ZBTB40: variants seen among roughly 807,000 people sequenced by gnomAD.
ZBTB40 encodes zinc finger and BTB domain containing 40, also known as zinc finger and BTB domain-containing protein 40.
Under a neutral mutation model 117.5 loss-of-function variants are expected in ZBTB40, and 60 were observed. That is an observed-to-expected ratio of 0.51 (90% CI 0.41 to 0.63). The LOEUF (loss-of-function observed/expected upper bound fraction) is 0.63, where lower values mean the gene tolerates loss of function less well. ZBTB40 is among the 30% of genes least tolerant of loss of function. The pLI, the probability that ZBTB40 is intolerant of heterozygous loss-of-function variation, is 0.00. For missense variants in ZBTB40, 1,287 were observed against 1,498.5 expected (o/e 0.86, Z 2.33); for synonymous variants, 525 against 577.1 (o/e 0.91, Z 1.29).
At chr1:22,521,413 A>G (rs1402634888) in intron 14 of ZBTB40, 83 bp from the exon 15 acceptor site, 3 of 1,560,476 alleles carry the variant, frequency 1.9e-6, no homozygotes, top group African/African-American at 1.4e-5. Flanking sequence ...CCAAAAATGT[A>G]TTTCTTTCTC....
At chr1:22,458,712 TTA>T (rs1304989846) in intron 1 of ZBTB40, among the ~76,000 whole-genome samples, 5 of 152,232 alleles carry the variant, frequency 3.3e-5, no homozygotes, top group Non-Finnish European at 5.9e-5. Context: ...GAATACTTTT[TTA>T]AAAAATTAAT....
chr1:22,525,379 A>G (rs1472712218), intron 17 of ZBTB40, among the ~76,000 whole-genome samples: 2 of 152,234 alleles, frequency 1.3e-5, no homozygotes, highest in Non-Finnish European at 2.9e-5. Context: ...AGCACGGAGA[A>G]GTAGCTGGGC....
chr1:22,488,101 C>T (rs1052475427), intron 1 of ZBTB40, among the ~76,000 whole-genome samples: 2 of 152,276 alleles, frequency 1.3e-5, no homozygotes, highest in Admixed American at 6.5e-5. Context: ...TCCCTCAAAG[C>T]TTTACTCTAA....
chr1:22,499,596 G>T (rs1029304628), intron 3 of ZBTB40, among the ~76,000 whole-genome samples: 2 of 152,112 alleles, frequency 1.3e-5, no homozygotes, highest in Non-Finnish European at 2.9e-5. Flanking sequence ...GTTACCTTAG[G>T]TTCTCAGAAG....
At chr1:22,522,262 G>A in intron 15 of ZBTB40, 115 bp from the exon 16 acceptor site, 2 of 942,282 alleles carry the variant, frequency 2.1e-6, no homozygotes, top group Non-Finnish European at 3.5e-6. Context: ...CCTGGCACTT[G>A]GTAGATGCTT....
chr1:22,487,135 TAAA>T (rs1413709604), intron 1 of ZBTB40, among the ~76,000 whole-genome samples: 2 of 152,332 alleles, frequency 1.3e-5, no homozygotes, highest in South Asian at 2.1e-4. Context: ...TCTGACGAAT[TAAA>T]GAAGAGTTGT....
Position 22,459,012 on chromosome 1 carries a change from G to A in ZBTB40, c.-70+7008G>A, listed in dbSNP as rs528051792. Among the ~76,000 whole-genome samples the A allele has an allele frequency of 5.3e-5, 8 of 152,290 alleles. No individual in the cohort carries two copies. In the South Asian group the frequency reaches 1.4e-3, roughly 28 times the overall value. On this transcript the variant is annotated intron_variant, in intron 1 of 17. Coordinates refer to ENST00000375647, the MANE Select transcript of ZBTB40 (RefSeq NM_014870.4). ...TCCTGTCTTGCTAACAAAGTATGCTGTTAAAGTTTTGGGGTTTTGCCAATC... is the reference window on the plus strand; with the variant it reads ...TCCTGTCTTGCTAACAAAGTATGCTATTAAAGTTTTGGGGTTTTGCCAATC...
At chr1:22,505,954 T>TG in intron 5 of ZBTB40, 95 bp from the exon 6 acceptor site, 1 of 1,311,026 alleles carries the variant, frequency 7.6e-7, no homozygotes, top group East Asian at 2.3e-5. Flanking sequence ...AGATCAGGCA[T>TG]CTTGTGATGC....
intron 1 of ZBTB40, among the ~76,000 whole-genome samples, chr1:22,478,093 T>G (rs550319712): frequency 5.5e-4 from 83 of 152,144 alleles, no homozygotes; most frequent in Non-Finnish European, 1.0e-3. Flanking sequence ...ACTTTTTGTG[T>G]TGTTGTTGAT....
intron 1 of ZBTB40, among the ~76,000 whole-genome samples, chr1:22,483,502 G>A (rs1437641407): frequency 2.6e-5 from 4 of 152,050 alleles, no homozygotes; most frequent in Non-Finnish European, 4.4e-5. Context: ...GGTGTGTGAT[G>A]GTATCTTGTT....
At chr1:22,462,851 T>G (rs1477504629) in intron 1 of ZBTB40, among the ~76,000 whole-genome samples, 2 of 152,254 alleles carry the variant, frequency 1.3e-5, no homozygotes, top group Non-Finnish European at 2.9e-5. Flanking sequence ...TGTCTATGAA[T>G]TCTTTTCTTT....
chr1:22,445,585 C>T (rs190481294), intron 1 of ZBTB40, among the ~76,000 whole-genome samples: 41 of 152,216 alleles, frequency 2.7e-4, no homozygotes, highest in Non-Finnish European at 1.0e-4. Context: ...CGGCCAGGCA[C>T]GATGGTTCAT....
intron 6 of ZBTB40, among the ~76,000 whole-genome samples, chr1:22,506,936 T>A (rs1292657192): frequency 6.6e-6 from 1 of 152,234 alleles, no homozygotes; most frequent in African/African-American, 2.4e-5. Flanking sequence ...AATATTGAGA[T>A]ACTTTCATAT....
At chr1:22,445,319 AT>A (rs1200746488) in intron 1 of ZBTB40, among the ~76,000 whole-genome samples, 3 of 152,158 alleles carry the variant, frequency 2.0e-5, no homozygotes, top group African/African-American at 7.2e-5. Flanking sequence ...GAAATATCCA[AT>A]TCCAGCCCAC....
rs1206389071 is a variant in ZBTB40 at position 22,530,153 on chromosome 1, A to G, written c.*3757A>G. ...AGGGAGACAAGCAGCATGTTATTAA[A>G]TTGGGCCTAGGCAGTTGGACGATAA... On this transcript the variant is annotated 3_prime_UTR_variant, in exon 18 of 18. Transcript: ENST00000375647. The G allele has an allele frequency of 6.6e-6, 1 of 152,376 alleles. No individual in the cohort carries two copies. The highest frequency in any genetic ancestry group is 1.5e-5 in the Non-Finnish European group (1 of 68,142). The allele number at this position is 152,376 out of a possible 1,614,324, so 9.4% of individuals were successfully genotyped here.
rs1350589578 is a variant in ZBTB40 at position 22,524,428 on chromosome 1, C to T, written c.3509C>T (p.Ala1170Val). 2 of 1,613,782 alleles carry T rather than the reference C, an allele frequency of 1.2e-6. No individual in the cohort carries two copies. Among genetic ancestry groups the T allele is most frequent in the Admixed American group, 3.3e-5 (2 of 60,006 alleles). Reference sequence around the variant, plus strand: ...ATGAGCACGGAAACCCAGGCCGCAGCCTCACAGATGGCGCAGGTGATTCTG... The same window carrying T: ...ATGAGCACGGAAACCCAGGCCGCAGTCTCACAGATGGCGCAGGTGATTCTG... ...KVMSTETQAAASQMAQVIQTP... is the reference protein window; with the variant it reads ...KVMSTETQAAVSQMAQVIQTP... The change falls in exon 17 of 18, where the codon GCC becomes GTC. Residue 1170 changes from alanine (A) to valine (V), a missense_variant. Transcript: ENST00000375647.
In ZBTB40 at chr1:22,530,701, C is replaced by T. The variant is rs1367850738; in HGVS notation, c.*4305C>T. 6.6e-6 allele frequency: 1 copy of T among 152,324 alleles called. No individual in the cohort carries two copies. Among genetic ancestry groups the T allele is most frequent in the Non-Finnish European group, 1.5e-5 (1 of 68,046 alleles). 9.4% of individuals were successfully genotyped at this position (152,324 alleles called of 1,614,324 possible). A position where few individuals can be genotyped will look rare whatever the true frequency, so the allele number is the denominator to read the frequency against. ...ATGTACTTTGAAAAAAATTAGGCTA[C>T]ATGAGTTTCAAATGGACTGTGATGT... is the stretch of plus-strand genomic sequence containing the variant. On this transcript the variant is annotated 3_prime_UTR_variant, in exon 18 of 18. Transcript: ENST00000375647.
Position 22,491,418 on chromosome 1 carries a change from A to G in ZBTB40, c.716A>G (p.Tyr239Cys), listed in dbSNP as rs1231495892. Residue 239 changes from tyrosine to cysteine, a missense_variant, in exon 3 of 18, where the codon TAC becomes TGC. Physicochemically the swap from Tyr to Cys is radical, Grantham distance 194. Around this residue, in one of 2 missense-constraint regions of ZBTB40, gnomAD observed 870 missense variants for 934.4 expected, o/e 0.93. Coordinates refer to ENST00000375647, the MANE Select transcript of ZBTB40 (RefSeq NM_014870.4). ...STEPGCERKH[Y>C]QLNFLLENEG... ...CATTTAGGATGTGAAAGGAAACACTACCAGCTGAATTTTCTTCTAGAAAAT... is the reference window on the plus strand; with the variant it reads ...CATTTAGGATGTGAAAGGAAACACTGCCAGCTGAATTTTCTTCTAGAAAAT... 4 of 1,613,910 alleles carry G rather than the reference A, an allele frequency of 2.5e-6. No homozygotes were observed. The highest frequency in any genetic ancestry group is 3.4e-6 in the Non-Finnish European group (4 of 1,179,864).
chr1:22,451,669 CTT>C (rs1416762562), upstream of ZBTB40, among the ~76,000 whole-genome samples: 1 of 151,146 alleles, frequency 6.6e-6, no homozygotes, highest in Non-Finnish European at 1.5e-5. Context: ...AAGAAAAAAA[CTT>C]TACTTAGGAA....
Sources: gnomAD v4.1 joint callset for allele counts (sites outside exome capture counted in the v4.1 genomes callset) on GRCh38, gnomAD v4.1.1 for gene constraint, gnomAD v4.1.1 regional missense constraint, MANE v1.5 for transcripts, NCBI Gene and HGNC (gene_info 2026-07-23, HGNC 2026-07-21) for gene names.